PTPRT: variants seen among roughly 807,000 people sequenced by gnomAD.
PTPRT encodes the protein protein tyrosine phosphatase receptor type T, also known as receptor-type tyrosine-protein phosphatase T.
A neutral mutation model predicts 176.8 loss-of-function variants in PTPRT; 56 were observed. That is an observed-to-expected ratio of 0.32 (90% CI 0.26 to 0.40). The LOEUF is 0.40. Among genes scored for constraint, PTPRT ranks in the 10% least tolerant of loss-of-function variants. PTPRT has a pLI of 1.00. For missense variants in PTPRT, 1,540 were observed against 1,908.2 expected (o/e 0.81, Z 3.60); for synonymous variants, 783 against 739.0 (o/e 1.06, Z -0.96).
intron 1 of PTPRT, among the ~76,000 whole-genome samples, chr20:43,021,933 G>A (rs543421906): frequency 6.6e-6 from 1 of 152,186 alleles, no homozygotes; most frequent in East Asian, 1.9e-4. Flanking sequence ...CTTTAGCATG[G>A]TATCCCTGTT....
intron 11 of PTPRT, among the ~76,000 whole-genome samples, chr20:42,347,833 G>C (rs1600868193): frequency 6.6e-6 from 1 of 152,178 alleles, no homozygotes; most frequent in Non-Finnish European, 1.5e-5. Flanking sequence ...TCAGAGTTTG[G>C]CTTTCTATTG....
chr20:42,989,555 T>A (rs533803248), intron 1 of PTPRT, among the ~76,000 whole-genome samples: 1 of 152,268 alleles, frequency 6.6e-6, no homozygotes, highest in South Asian at 2.1e-4. Context: ...AGGAAATGTG[T>A]CACCCTAGAA....
intron 7 of PTPRT, among the ~76,000 whole-genome samples, chr20:42,494,180 C>CTCTGGAGAGG (rs1243310473): frequency 6.6e-6 from 1 of 151,986 alleles, no homozygotes; most frequent in Non-Finnish European, 1.5e-5. Flanking sequence ...GGTTAGAGAC[C>CTCTGGAGAGG]TCTGGAGAAA....
At chr20:42,577,837 CTG>C (rs11468271) in intron 7 of PTPRT, among the ~76,000 whole-genome samples, 53,883 of 138,682 alleles carry the variant, frequency 0.39, 12,145 homozygotes, top group African/African-American at 0.63. Flanking sequence ...CTGAGCAAGG[CTG>C]TGTGTGTGTG....
intron 15 of PTPRT, among the ~76,000 whole-genome samples, chr20:42,233,076 C>T (rs1270565173): frequency 1.3e-5 from 2 of 152,176 alleles, no homozygotes; most frequent in Non-Finnish European, 2.9e-5. Flanking sequence ...CTCTCCTCTT[C>T]TGATTCTTTA....
intron 1 of PTPRT, among the ~76,000 whole-genome samples, chr20:42,894,927 G>C (rs940787536): frequency 3.9e-5 from 6 of 152,158 alleles, no homozygotes; most frequent in African/African-American, 1.4e-4. Context: ...ACAGGGGGTG[G>C]TGTGGGCCTC....
intron 1 of PTPRT, among the ~76,000 whole-genome samples, chr20:43,027,934 C>T (rs974020291): frequency 1.3e-5 from 2 of 152,140 alleles, no homozygotes; most frequent in Non-Finnish European, 2.9e-5. Flanking sequence ...GACATGCAGC[C>T]CCATCAGCAT....
chr20:42,435,646 G>C (rs541772049), intron 9 of PTPRT, among the ~76,000 whole-genome samples: 1 of 152,128 alleles, frequency 6.6e-6, no homozygotes, highest in Non-Finnish European at 1.5e-5. Flanking sequence ...AAAACTATGA[G>C]AGATATTAAA....
chr20:42,263,149 G>T (rs1170712361), intron 13 of PTPRT, among the ~76,000 whole-genome samples: 1 of 152,082 alleles, frequency 6.6e-6, no homozygotes, highest in Non-Finnish European at 1.5e-5. Flanking sequence ...TTTGATTCAG[G>T]CTAGTTATCC....
chr20:42,851,650 T>C (rs1367655889), intron 2 of PTPRT, among the ~76,000 whole-genome samples: 1 of 152,232 alleles, frequency 6.6e-6, no homozygotes, highest in Non-Finnish European at 1.5e-5. Flanking sequence ...GCAAATATTT[T>C]TCGTAAAGAG....
chr20:42,674,618 G>A (rs1437219301), intron 7 of PTPRT, among the ~76,000 whole-genome samples: 2 of 152,118 alleles, frequency 1.3e-5, no homozygotes, highest in South Asian at 2.1e-4. Flanking sequence ...ATATTGCATT[G>A]CAAAGCTGAG....
intron 1 of PTPRT, among the ~76,000 whole-genome samples, chr20:43,018,693 T>C (rs1016210167): frequency 4.6e-5 from 7 of 152,184 alleles, no homozygotes; most frequent in Non-Finnish European, 8.8e-5. Flanking sequence ...GAACAAAAGA[T>C]TTGAACAGGT....
chr20:42,091,462 C>T (rs1270644865), intron 27 of PTPRT, among the ~76,000 whole-genome samples: 1 of 152,114 alleles, frequency 6.6e-6, no homozygotes, highest in Admixed American at 6.5e-5. Context: ...CTTAGTTATG[C>T]CTTTCTTTTA....
intron 1 of PTPRT, among the ~76,000 whole-genome samples, chr20:43,060,376 T>G (rs1030180548): frequency 6.6e-6 from 1 of 152,212 alleles, no homozygotes. Flanking sequence ...ACAAGGGGGC[T>G]TTCTGAAGTC....
the PTPRT span, among the ~76,000 whole-genome samples, chr20:42,062,261 G>A: frequency 6.6e-6 from 1 of 152,200 alleles, no homozygotes; most frequent in Admixed American, 6.5e-5. Context: ...AATAGAGTCA[G>A]CTGGGAGATC....
At chr20:42,943,888 G>A (rs1003747523) in intron 1 of PTPRT, among the ~76,000 whole-genome samples, 2 of 152,056 alleles carry the variant, frequency 1.3e-5, no homozygotes, top group African/African-American at 2.4e-5. Flanking sequence ...GAATGGTGAC[G>A]CATGCCTGCA....
intron 7 of PTPRT, among the ~76,000 whole-genome samples, chr20:42,503,516 A>T (rs2071791947): frequency 6.6e-6 from 1 of 152,032 alleles, no homozygotes; most frequent in Admixed American, 6.6e-5. Flanking sequence ...TTCTAACTTG[A>T]TCTCATTGTG....
intron 14 of PTPRT, among the ~76,000 whole-genome samples, chr20:42,236,764 T>A (rs1167289941): frequency 1.3e-5 from 2 of 152,008 alleles, no homozygotes; most frequent in Non-Finnish European, 2.9e-5. Flanking sequence ...CAGAGTCTAT[T>A]TAGTAAGGTC....
chr20:42,051,187 G>A, the PTPRT span, among the ~76,000 whole-genome samples: 1 of 152,200 alleles, frequency 6.6e-6, no homozygotes, highest in African/African-American at 2.4e-5. Flanking sequence ...GACCAAAAGT[G>A]GTCATCGCCT....
Sources: gnomAD v4.1 joint callset for allele counts (sites outside exome capture counted in the v4.1 genomes callset) on GRCh38, gnomAD v4.1.1 for gene constraint, MANE v1.5 for transcripts, NCBI Gene and HGNC (gene_info 2026-07-23, HGNC 2026-07-21) for gene names.